TMEM212: variants seen among roughly 807,000 people sequenced by gnomAD.
TMEM212 encodes the protein transmembrane protein 212.
In TMEM212, 23 loss-of-function variants were observed where a neutral mutation model predicts 20.5. The ratio of observed to expected loss-of-function variants is 1.12; its 90% CI spans 0.81 to 1.59. TMEM212 has a LOEUF of 1.59. TMEM212 is among the 40% of genes most tolerant of loss of function. The probability of loss-of-function intolerance (pLI) is 0.00; values close to 1 mark genes in which losing one functional copy is unlikely to be tolerated. For synonymous variants in TMEM212, 76 were observed against 81.6 expected, an observed-to-expected ratio of 0.93 and a Z score of 0.37; for missense variants, 211 against 215.0, an observed-to-expected ratio of 0.98 and a Z score of 0.12.
At chr3:171,856,826 A>C (rs1443690148) in intron 4 of TMEM212, 119 bp downstream of exon 4, 2 of 420,420 alleles carry the variant, frequency 4.8e-6, no homozygotes, top group African/African-American at 2.0e-5. Context: ...GAACTCCTTT[A>C]CCTAAATGTC....
intron 4 of TMEM212, 97 bp downstream of exon 4, chr3:171,856,804 T>C (rs947162768): frequency 1.7e-5 from 8 of 462,588 alleles, no homozygotes; most frequent in African/African-American, 1.6e-4. Flanking sequence ...ACAAGCTTTA[T>C]ATAAGGTAGT....
At position 171,843,502 on chromosome 3, in the gene TMEM212, G is replaced by A. The variant is rs1222102041; in HGVS notation, c.119G>A (p.Trp40Ter). ...VFSYKPWFTG[W>*]SVRIACPIWN... ...TCTTACAAGCCTTGGTTCACAGGATGGAGTGTTCGAATTGCTTGTCCTATC... is the reference window on the plus strand; with the variant it reads ...TCTTACAAGCCTTGGTTCACAGGATAGAGTGTTCGAATTGCTTGTCCTATC... The change falls in exon 1 of 5, where the codon TGG (tryptophan) becomes TAG (stop). Residue 40 changes from tryptophan to a stop codon, truncating the protein, a stop_gained. Coordinates refer to ENST00000334567, the MANE Select transcript of TMEM212 (RefSeq NM_001164436.2). LOFTEE classifies it high-confidence loss of function. 9.8e-6 allele frequency: 15 copies of A among 1,536,816 alleles called. No individual in the cohort carries two copies. The highest frequency in any genetic ancestry group is 1.3e-5 in the Non-Finnish European group (15 of 1,146,666).
At chr3:171,847,122 A>T (rs1423818144) in intron 1 of TMEM212, among the ~76,000 whole-genome samples, 2 of 152,218 alleles carry the variant, frequency 1.3e-5, no homozygotes, top group African/African-American at 4.8e-5. Context: ...AGAATTTTGG[A>T]GCTAGGTTAT....
At position 171,853,745 on chromosome 3, in the gene TMEM212, G is replaced by A; in HGVS notation, c.438G>A (p.Leu146=). ...CACCACACTACGAAGAGTACCACCT[G>A]ACACTTCAAGCCCTAGACCTGTGCC... ...VDPPHYEEYH[L]TLQALDLCLS... is the part of the protein sequence containing the mutation. Residue 146 remains leucine, a synonymous_variant, in exon 3 of 5, where the codon CTG becomes CTA. Transcript: ENST00000334567. 6.5e-7 allele frequency: 1 copy of A among 1,537,366 alleles called. No homozygotes were observed. Among genetic ancestry groups the A allele is most frequent in the Non-Finnish European group, 8.7e-7 (1 of 1,146,910 alleles).
At chr3:171,847,705 G>A (rs1398921932) in intron 1 of TMEM212, among the ~76,000 whole-genome samples, 6 of 152,128 alleles carry the variant, frequency 3.9e-5, no homozygotes, top group Non-Finnish European at 5.9e-5. Context: ...GGAAATATCA[G>A]GGGCAAGGGG....
At chr3:171,849,860 A>C (rs1283925030) in intron 1 of TMEM212, among the ~76,000 whole-genome samples, 2 of 152,160 alleles carry the variant, frequency 1.3e-5, no homozygotes, top group Admixed American at 1.3e-4. Context: ...GGAAGCGCCC[A>C]GAAAGCAAGG....
chr3:171,849,884 A>G (rs897171597), intron 1 of TMEM212, among the ~76,000 whole-genome samples: 1 of 152,124 alleles, frequency 6.6e-6, no homozygotes, highest in African/African-American at 2.4e-5. Context: ...CAGCATGTCA[A>G]GGAGAGCTGA....
At chr3:171,846,939 T>C (rs915012117) in intron 1 of TMEM212, among the ~76,000 whole-genome samples, 3 of 152,228 alleles carry the variant, frequency 2.0e-5, no homozygotes, top group Admixed American at 6.5e-5. Context: ...CATTTCCTTT[T>C]ACAGATGACT....
At chr3:171,849,170 G>T (rs1047170596) in intron 1 of TMEM212, among the ~76,000 whole-genome samples, 19 of 151,962 alleles carry the variant, frequency 1.3e-4, no homozygotes, top group African/African-American at 4.4e-4. Flanking sequence ...TGCTCCCACA[G>T]ACTGAGCTGC....
intron 3 of TMEM212, among the ~76,000 whole-genome samples, chr3:171,854,129 G>A (rs1578519178): frequency 6.6e-6 from 1 of 151,968 alleles, no homozygotes; most frequent in South Asian, 2.1e-4. Flanking sequence ...CAAGACAAGG[G>A]TGCCCACTCT....
At chr3:171,851,806 T>G (rs1389593273) in intron 1 of TMEM212, among the ~76,000 whole-genome samples, 176 bp from the exon 2 acceptor site, 1 of 152,222 alleles carries the variant, frequency 6.6e-6, no homozygotes, top group African/African-American at 2.4e-5. Context: ...TGGCTTACTT[T>G]CCTCGTCATC....
At chr3:171,856,828 C>A in intron 4 of TMEM212, 121 bp downstream of exon 4, 1 of 418,388 alleles carries the variant, frequency 2.4e-6, no homozygotes, top group East Asian at 3.5e-5. Context: ...ACTCCTTTAC[C>A]TAAATGTCTT....
chr3:171,851,419 C>A (rs946218222), intron 1 of TMEM212, among the ~76,000 whole-genome samples: 3 of 152,152 alleles, frequency 2.0e-5, no homozygotes, highest in African/African-American at 4.8e-5. Flanking sequence ...CACCACTGTA[C>A]CCAGAACAAT....
intron 1 of TMEM212, among the ~76,000 whole-genome samples, chr3:171,847,811 T>C (rs962545733): frequency 3.3e-5 from 5 of 151,980 alleles, no homozygotes; most frequent in African/African-American, 4.8e-5. Flanking sequence ...GAAATCTGAC[T>C]AGTTATAGAG....
chr3:171,846,382 G>A (rs1724832695), intron 1 of TMEM212, among the ~76,000 whole-genome samples: 1 of 152,000 alleles, frequency 6.6e-6, no homozygotes, highest in Non-Finnish European at 1.5e-5. Context: ...ACACTTATTA[G>A]CATATAAGAC....
At chr3:171,855,973 T>C (rs1194430583) in intron 3 of TMEM212, among the ~76,000 whole-genome samples, 1 of 152,162 alleles carries the variant, frequency 6.6e-6, no homozygotes, top group Non-Finnish European at 1.5e-5. Flanking sequence ...TATTTAATGG[T>C]TGCTTTAAAA....
intron 1 of TMEM212, among the ~76,000 whole-genome samples, chr3:171,851,066 C>A (rs1724966773): frequency 6.6e-6 from 1 of 152,182 alleles, no homozygotes. Flanking sequence ...GCTTATTTCT[C>A]TGTCAAAAGC....
intron 1 of TMEM212, among the ~76,000 whole-genome samples, chr3:171,848,842 T>C (rs948221412): frequency 5.9e-5 from 9 of 151,494 alleles, no homozygotes; most frequent in African/African-American, 2.2e-4. Flanking sequence ...AAAAAATAAA[T>C]CTGAAGACCA....
In TMEM212 at chr3:171,855,896, T is replaced by C. The variant is rs545989895; in HGVS notation, c.544-767T>C. Reference sequence around the variant, plus strand: ...CATAAAATACATTTTTGGTAAAGTTTATGAAACACAAAGATGTTGATTTTG... The same window carrying C: ...CATAAAATACATTTTTGGTAAAGTTCATGAAACACAAAGATGTTGATTTTG... On this transcript the variant is annotated intron_variant, in intron 3 of 4. Transcript: ENST00000334567. Among the ~76,000 whole-genome samples, 6 of 152,328 alleles carry C rather than the reference T, an allele frequency of 3.9e-5. No homozygotes were observed. The South Asian group carries it at 1.2e-3, about 32-fold the overall frequency.
Sources: allele counts gnomAD v4.1 joint callset (sites outside exome capture counted in the v4.1 genomes callset), GRCh38; gene constraint gnomAD v4.1.1; transcripts MANE v1.5; gene names NCBI Gene and HGNC (gene_info 2026-07-23, HGNC 2026-07-21).